BCR: variants seen among roughly 807,000 people sequenced by gnomAD.
The protein encoded by BCR is BCR activator of RhoGEF and GTPase, also known as breakpoint cluster region protein.
In BCR, 58 loss-of-function variants were observed where a neutral mutation model predicts 138.6. The observed-to-expected ratio is 0.42, with a 90% CI of 0.34 to 0.52. The LOEUF (loss-of-function observed/expected upper bound fraction) is 0.52. BCR is among the 20% of genes least tolerant of loss of function. The pLI, the probability that BCR is intolerant of heterozygous loss-of-function variation, is 0.06. For missense variants in BCR, 1,599 were observed against 1,727.2 expected (o/e 0.93, Z 1.32); for synonymous variants, 786 against 730.1 (o/e 1.08, Z -1.23).
chr22:23,245,962 C>A (rs1046570024), intron 1 of BCR, among the ~76,000 whole-genome samples: 1 of 152,214 alleles, frequency 6.6e-6, no homozygotes, highest in African/African-American at 2.4e-5. Context: ...AAACCCCTGC[C>A]CATTAAGCAG....
intron 1 of BCR, among the ~76,000 whole-genome samples, chr22:23,204,326 G>A (rs1161840370): frequency 6.6e-6 from 1 of 152,122 alleles, no homozygotes; most frequent in African/African-American, 2.4e-5. Context: ...TAGACTCCTT[G>A]GGCCTCTGAA....
At chr22:23,259,773 G>T (rs554489489) in intron 2 of BCR, among the ~76,000 whole-genome samples, 1 of 152,034 alleles carries the variant, frequency 6.6e-6, no homozygotes. Flanking sequence ...TGCCCGCCTC[G>T]GCCTCCCAAA....
intron 1 of BCR, chr22:23,199,392 A>G (rs772491701): frequency 7.2e-5 from 35 of 485,428 alleles, no homozygotes; most frequent in Admixed American, 5.8e-4. Flanking sequence ...CTAAGGCCAC[A>G]GTCTCAGGTT....
intron 1 of BCR, among the ~76,000 whole-genome samples, chr22:23,251,475 G>A (rs950757565): frequency 2.0e-5 from 3 of 152,222 alleles, no homozygotes; most frequent in Admixed American, 6.5e-5. Flanking sequence ...ACCTGGGAGA[G>A]GGAGAGGCAG....
intron 1 of BCR, among the ~76,000 whole-genome samples, chr22:23,226,333 T>A (rs981487358): frequency 1.1e-4 from 17 of 150,752 alleles, no homozygotes; most frequent in South Asian, 4.2e-4. Context: ...AGAGAGTGTG[T>A]GTGTGTGTGT....
intron 8 of BCR, among the ~76,000 whole-genome samples, chr22:23,280,983 A>G (rs1022258578): frequency 1.3e-5 from 2 of 152,246 alleles, no homozygotes; most frequent in Non-Finnish European, 2.9e-5. Flanking sequence ...AGAAACATGG[A>G]GATGCACACA....
At chr22:23,263,037 T>G in intron 4 of BCR, 1 of 727,610 alleles carries the variant, frequency 1.4e-6, no homozygotes, top group Non-Finnish European at 2.1e-6. Flanking sequence ...GAAGGAGGAA[T>G]GGAGGGTCAG....
chr22:23,194,854 T>C (rs1301504358), intron 1 of BCR, among the ~76,000 whole-genome samples: 2 of 152,140 alleles, frequency 1.3e-5, no homozygotes, highest in Non-Finnish European at 2.9e-5. Context: ...GGCGATAGGA[T>C]GGCTTGAGCC....
chr22:23,192,242 A>G (rs1342415877), intron 1 of BCR, among the ~76,000 whole-genome samples: 1 of 151,430 alleles, frequency 6.6e-6, no homozygotes, highest in Admixed American at 6.6e-5. Context: ...GGGGTATGAG[A>G]CACTCTGGCC....
chr22:23,289,450 A>T, intron 12 of BCR, 67 bp from the exon 13 acceptor site: 1 of 1,348,600 alleles, frequency 7.4e-7, no homozygotes, highest in Non-Finnish European at 1.1e-6. Context: ...GTGGAGGTCC[A>T]GTGGGAGGGG....
chr22:23,229,686 T>G (rs1023081203), intron 1 of BCR, among the ~76,000 whole-genome samples: 5 of 152,222 alleles, frequency 3.3e-5, no homozygotes, highest in Non-Finnish European at 5.9e-5. Context: ...GCCCAGGGCT[T>G]CTTATGAAGA....
intron 1 of BCR, among the ~76,000 whole-genome samples, chr22:23,206,936 T>G: frequency 4.6e-5 from 1 of 21,708 alleles, no homozygotes. Context: ...CTGTCATCCA[T>G]TCATTCCTCC....
Position 23,182,007 on chromosome 22 carries a change from G to C in BCR, c.1047G>C (p.Gln349His). Reference sequence around the variant, plus strand: ...GCGAGGAGGACTTCTCCTCTGGCCAGTCCAGCCGCGTGTCCCCAAGCCCCA... The same window carrying C: ...GCGAGGAGGACTTCTCCTCTGGCCACTCCAGCCGCGTGTCCCCAAGCCCCA... The part of the protein sequence containing the change: ...TSSEEDFSSG[Q>H]SSRVSPSPTT... Residue 349 changes from glutamine (Q) to histidine (H), a missense_variant, in exon 1 of 23, where the codon CAG becomes CAC. Gln to His is a conservative substitution (Grantham distance 24). This residue lies in a region of BCR where 806 missense variants were observed against 635.0 expected (regional missense o/e 1.27). Coordinates refer to ENST00000305877, the MANE Select transcript of BCR (RefSeq NM_004327.4). 1.2e-6 allele frequency: 2 copies of C among 1,612,874 alleles called. No homozygotes were observed. Among genetic ancestry groups the C allele is most frequent in the Non-Finnish European group, 8.5e-7 (1 of 1,179,536 alleles).
chr22:23,305,336 G>A (rs776130478), intron 16 of BCR, among the ~76,000 whole-genome samples: 2 of 152,198 alleles, frequency 1.3e-5, no homozygotes, highest in African/African-American at 4.8e-5. Flanking sequence ...GACGATGGGC[G>A]TGAAGGAAGC....
chr22:23,259,507 C>CAA (rs200498083), intron 2 of BCR, among the ~76,000 whole-genome samples: 1 of 148,708 alleles, frequency 6.7e-6, no homozygotes, highest in African/African-American at 2.5e-5. Context: ...TTTCTATTAC[C>CAA]AAAAAAAAAA....
chr22:23,237,021 G>A (rs1277395837), intron 1 of BCR, among the ~76,000 whole-genome samples: 1 of 152,204 alleles, frequency 6.6e-6, no homozygotes, highest in Non-Finnish European at 1.5e-5. Flanking sequence ...CTCAGAACCG[G>A]CGTCAGATAC....
At chr22:23,276,573 C>T (rs867313633) in intron 8 of BCR, among the ~76,000 whole-genome samples, 7 of 152,286 alleles carry the variant, frequency 4.6e-5, no homozygotes, top group Middle Eastern at 3.4e-3. Context: ...GAAAAGTCAC[C>T]GTGAGTCTGA....
chr22:23,285,094 G>A lies in BCR; in HGVS notation c.2299G>A (p.Val767Met), dbSNP rs1401998291. 6.2e-7 allele frequency: 1 copy of A among 1,614,102 alleles called. No homozygotes were observed. Among genetic ancestry groups the A allele is most frequent in the Admixed American group, 1.7e-5 (1 of 60,022 alleles). The change falls in exon 10 of 23, where the codon GTG becomes ATG. Residue 767 changes from valine (V) to methionine (M), a missense_variant. By Grantham distance (21) the Val-to-Met change is conservative (BLOSUM62 1). Transcript: ENST00000305877. ...IPLTDLSFQM[V>M]DELEAVPNIP... ...GCTCACGGATCTCAGCTTCCAGATG[G>A]TGGATGAACTGGAGGCAGTGCCCAA...
At chr22:23,206,560 T>C (rs113212761) in intron 1 of BCR, among the ~76,000 whole-genome samples, 1 of 145,550 alleles carries the variant, frequency 6.9e-6, no homozygotes, top group African/African-American at 2.6e-5. Flanking sequence ...CTGGGCAACA[T>C]AGCGAGACTC....
Sources: gnomAD v4.1 joint callset for allele counts (sites outside exome capture counted in the v4.1 genomes callset) on GRCh38, gnomAD v4.1.1 for gene constraint, gnomAD v4.1.1 regional missense constraint, MANE v1.5 for transcripts, NCBI Gene and HGNC (gene_info 2026-07-23, HGNC 2026-07-21) for gene names.